KCNC2: variants seen among roughly 807,000 people sequenced by gnomAD.
KCNC2 encodes the protein voltage-gated potassium channel KCNC2.
Under a neutral mutation model 44.5 loss-of-function variants are expected in KCNC2, and 21 were observed. The ratio of observed to expected loss-of-function variants is 0.47; its 90% CI spans 0.33 to 0.68. The LOEUF (loss-of-function observed/expected upper bound fraction) is 0.68, where lower values mean the gene tolerates loss of function less well. Among genes scored for constraint, KCNC2 ranks in the 30% least tolerant of loss-of-function variants. The pLI is 0.01. For synonymous variants in KCNC2, 391 were observed against 339.1 expected, an observed-to-expected ratio of 1.15 and a Z score of -1.68; for missense variants, 589 against 826.2, an observed-to-expected ratio of 0.71 and a Z score of 3.52.
chr12:75,155,062 C>T (rs370048098), intron 2 of KCNC2, among the ~76,000 whole-genome samples: 1 of 151,138 alleles, frequency 6.6e-6, no homozygotes, highest in East Asian at 2.0e-4. Flanking sequence ...TTGGTGCTCA[C>T]AGAAATACAG....
intron 2 of KCNC2, among the ~76,000 whole-genome samples, chr12:75,185,331 T>G (rs578232969): frequency 4.4e-4 from 67 of 152,288 alleles, no homozygotes; most frequent in African/African-American, 1.6e-3. Context: ...GGTTTGAAAG[T>G]GCCCCTCAAA....
At chr12:75,131,191 A>G (rs1043026498) in intron 2 of KCNC2, among the ~76,000 whole-genome samples, 2 of 152,208 alleles carry the variant, frequency 1.3e-5, no homozygotes, top group Admixed American at 6.5e-5. Flanking sequence ...TTTCACAGGA[A>G]AGATGACTAC....
At chr12:75,136,207 G>T (rs1422089687) in intron 2 of KCNC2, among the ~76,000 whole-genome samples, 2 of 151,882 alleles carry the variant, frequency 1.3e-5, no homozygotes, top group Non-Finnish European at 2.9e-5. Flanking sequence ...GAACATTATA[G>T]CATTAAATGC....
chr12:75,065,794 G>A (rs984004554), intron 2 of KCNC2, among the ~76,000 whole-genome samples: 2 of 152,178 alleles, frequency 1.3e-5, no homozygotes, highest in East Asian at 1.9e-4. Flanking sequence ...TATCCCTGTT[G>A]TTAAGCAATA....
intron 2 of KCNC2, among the ~76,000 whole-genome samples, chr12:75,111,359 T>A (rs1338337724): frequency 6.6e-6 from 1 of 152,086 alleles, no homozygotes; most frequent in Non-Finnish European, 1.5e-5. Flanking sequence ...AACAATCTAT[T>A]GCGTGAACCC....
chr12:75,185,106 G>C (rs1263694267), intron 2 of KCNC2, among the ~76,000 whole-genome samples: 4 of 152,132 alleles, frequency 2.6e-5, no homozygotes, highest in Non-Finnish European at 5.9e-5. Flanking sequence ...TTTTCTCATA[G>C]AAGAAAGTAA....
intron 2 of KCNC2, among the ~76,000 whole-genome samples, chr12:75,077,304 A>G (rs1319894311): frequency 1.3e-5 from 2 of 152,010 alleles, no homozygotes; most frequent in Non-Finnish European, 2.9e-5. Context: ...TATCTGGAAA[A>G]CCTCATTAAA....
intron 2 of KCNC2, among the ~76,000 whole-genome samples, chr12:75,205,896 G>GA (rs34368348): frequency 0.013 from 1,246 of 97,374 alleles, 15 homozygotes; most frequent in African/African-American, 0.032. Context: ...GGCATGGCCT[G>GA]AAAAAAAAAA....
At chr12:75,187,893 T>C (rs2029868271) in intron 2 of KCNC2, among the ~76,000 whole-genome samples, 2 of 152,206 alleles carry the variant, frequency 1.3e-5, no homozygotes, top group Non-Finnish European at 2.9e-5. Flanking sequence ...AGTATTGCCT[T>C]TGTGTATAAT....
intron 2 of KCNC2, among the ~76,000 whole-genome samples, chr12:75,177,080 C>G (rs1272507323): frequency 2.1e-5 from 3 of 145,852 alleles, no homozygotes; most frequent in African/African-American, 8.0e-5. Context: ...TGTACTTCAA[C>G]TCTGTATATT....
intron 2 of KCNC2, among the ~76,000 whole-genome samples, chr12:75,196,282 C>T (rs922267453): frequency 6.6e-6 from 1 of 152,014 alleles, no homozygotes; most frequent in Non-Finnish European, 1.5e-5. Context: ...AATTAATTAC[C>T]ATTTAATCAT....
Position 75,042,934 on chromosome 12 carries a change from G to T in KCNC2, c.*171C>A. ...TAGACAATCTTTAAAGCCTGGGTAAGATTCATTAGCTACCCAAGTGGCATT... is the reference window on the plus strand; with the variant it reads ...TAGACAATCTTTAAAGCCTGGGTAATATTCATTAGCTACCCAAGTGGCATT... On this transcript the variant is annotated 3_prime_UTR_variant, in exon 5 of 5. Coordinates refer to ENST00000549446, the MANE Select transcript of KCNC2 (RefSeq NM_139137.4). The T allele has an allele frequency of 7.1e-7, 1 of 1,406,122 alleles. No individual in the cohort carries two copies. The highest frequency in any genetic ancestry group is 9.2e-7 in the Non-Finnish European group (1 of 1,082,098). 87.1% of individuals were successfully genotyped at this position (1,406,122 alleles called of 1,614,324 possible).
At position 75,166,935 on chromosome 12, in the gene KCNC2, GTTAATACA is replaced by G. The variant is rs1488782624; in HGVS notation, c.687+40354_687+40361del. On this transcript the variant is annotated intron_variant, in intron 2 of 4. Transcript: ENST00000549446. The stretch of plus-strand genomic sequence containing the variant: ...AGCCCAAAGCAGGCAGAAGAAAGAA[GTTAATACA>G]TATTAGAGTAGAAATAAAGAATTCT... 1.2e-4 allele frequency among the ~76,000 whole-genome samples: 18 copies of G among 151,176 alleles called. No individual in the cohort carries two copies. In the East Asian group the frequency reaches 3.3e-3, roughly 28 times the overall value.
chr12:75,044,227 A>G (rs1041903821), intron 4 of KCNC2, among the ~76,000 whole-genome samples: 1 of 152,034 alleles, frequency 6.6e-6, no homozygotes, highest in Non-Finnish European at 1.5e-5. Flanking sequence ...ACTATTGACT[A>G]AAAAAGTAGT....
At chr12:75,094,272 A>G (rs1003749977) in intron 2 of KCNC2, among the ~76,000 whole-genome samples, 1 of 151,680 alleles carries the variant, frequency 6.6e-6, no homozygotes, top group African/African-American at 2.4e-5. Flanking sequence ...ATACACTAAC[A>G]TCAAGTATTT....
chr12:75,060,983 T>C (rs1416783647), intron 2 of KCNC2, among the ~76,000 whole-genome samples: 1 of 152,126 alleles, frequency 6.6e-6, no homozygotes, highest in Non-Finnish European at 1.5e-5. Flanking sequence ...ACACAGTCTT[T>C]TAACAAATCC....
intron 2 of KCNC2, among the ~76,000 whole-genome samples, chr12:75,112,660 G>A (rs1887345763): frequency 6.6e-6 from 1 of 151,964 alleles, no homozygotes; most frequent in South Asian, 2.1e-4. Context: ...ATTTAAGCCT[G>A]AACTGTATTA....
intron 4 of KCNC2, among the ~76,000 whole-genome samples, chr12:75,045,115 C>T (rs748659412): frequency 1.1e-4 from 17 of 151,824 alleles, no homozygotes; most frequent in East Asian, 7.8e-4. Context: ...GTAAACTAGA[C>T]GATAAACATT....
At position 75,207,837 on chromosome 12, in the gene KCNC2, C is replaced by T. The variant is rs202237445; in HGVS notation, c.147G>A (p.Thr49=). The change falls in exon 2 of 5, where the codon ACG becomes ACA. Residue 49 remains threonine, a synonymous_variant. Coordinates refer to ENST00000549446, the MANE Select transcript of KCNC2 (RefSeq NM_139137.4). The surrounding 1 kb of genome is among the most constrained non-coding windows in gnomAD (Gnocchi z 4.1). ...GCGACGGCTGCAGCTTGTCGCCCGC[C>T]GTGGTCAAGCAGTCGCCTGGGGGCT... is the stretch of plus-strand genomic sequence containing the variant. ...SSEPPGDCLT[T]AGDKLQPSPP... is the part of the protein sequence containing the mutation. 1.2e-6 allele frequency: 2 copies of T among 1,610,222 alleles called. No homozygotes were observed. Among genetic ancestry groups the T allele is most frequent in the African/African-American group, 1.3e-5 (1 of 74,648 alleles).
Sources: gnomAD v4.1 joint callset for allele counts (sites outside exome capture counted in the v4.1 genomes callset) on GRCh38, gnomAD v4.1.1 for gene constraint, Gnocchi (gnomAD v3.1) non-coding constraint, MANE v1.5 for transcripts, NCBI Gene and HGNC (gene_info 2026-07-23, HGNC 2026-07-21) for gene names.